RAB18: variants seen among roughly 807,000 people sequenced by gnomAD.
RAB18 encodes the protein ras-related protein Rab-18.
In RAB18, 10 loss-of-function variants were observed where a neutral mutation model predicts 28.5. That is an observed-to-expected ratio of 0.35 (90% confidence interval 0.22 to 0.60). The LOEUF is 0.60. Ranked by LOEUF, RAB18 falls within the 20% of genes least tolerant of loss-of-function variation. The pLI is 0.78. For synonymous variants in RAB18, 93 were observed against 86.9 expected (o/e 1.07, Z -0.39); for missense variants, 188 against 244.2 (o/e 0.77, Z 1.53).
rs1245439639 is a variant in RAB18, at chr10:27,539,105, G to A, written c.*1054G>A. The A allele has an allele frequency of 2.4e-6, 1 of 411,324 alleles. No individual in the cohort carries two copies. The highest frequency in any genetic ancestry group is 4.8e-6 in the Non-Finnish European group (1 of 207,158). The allele number at this position is 411,324 out of a possible 1,614,324, so 25.5% of individuals were successfully genotyped here. ...AAAATCTTGACAATTTACTTAACAA[G>A]TAACCAGTAGTTCATCAAAACCAAC... On this transcript the variant is annotated 3_prime_UTR_variant, in exon 7 of 7. Transcript: ENST00000356940.
chr10:27,527,168 A>G (rs1564834387), intron 3 of RAB18: 1 of 488,064 alleles, frequency 2.0e-6, no homozygotes, highest in East Asian at 4.9e-5. Context: ...GAGAATCATA[A>G]TTGGATATGT....
chr10:27,504,803 C>T (rs1837773365), intron 1 of RAB18: 1 of 507,580 alleles, frequency 2.0e-6, no homozygotes, highest in Non-Finnish European at 4.0e-6. Context: ...TCGAACCTCT[C>T]GGGGTTCAGG....
chr10:27,526,781 A>G (rs779467740), intron 2 of RAB18, 47 bp from the exon 3 acceptor site: 1 of 1,609,300 alleles, frequency 6.2e-7, no homozygotes, highest in South Asian at 1.1e-5. Flanking sequence ...ATGGATTTTA[A>G]AAGTCTGTTT....
In RAB18 at chr10:27,541,455, A is replaced by G. The variant is rs1244589845; in HGVS notation, c.*3404A>G. 1 of 452,818 alleles carries G rather than the reference A, an allele frequency of 2.2e-6. No individual in the cohort carries two copies. Among genetic ancestry groups the G allele is most frequent in the African/African-American group, 2.0e-5 (1 of 49,500 alleles). 28.1% of individuals were successfully genotyped at this position (452,818 alleles called of 1,614,324 possible). ...TGTTTTGTTGCTAGCTTATTGTTTC[A>G]TACTTGGGAATCAGTCATGTTTCTG... On this transcript the variant is annotated 3_prime_UTR_variant, in exon 7 of 7. Transcript: ENST00000356940.
intron 2 of RAB18, among the ~76,000 whole-genome samples, chr10:27,525,688 C>G (rs1239649732): frequency 6.6e-6 from 1 of 152,126 alleles, no homozygotes; most frequent in Admixed American, 6.5e-5. Flanking sequence ...ATCACCCCAG[C>G]TCAAAACACC....
chr10:27,531,574 A>G, intron 3 of RAB18: 2 of 1,277,424 alleles, frequency 1.6e-6, no homozygotes, highest in South Asian at 1.3e-5. Context: ...AAAGAGCCAG[A>G]TAGGAAATAG....
intron 6 of RAB18, among the ~76,000 whole-genome samples, chr10:27,534,387 C>T (rs1834851828): frequency 6.6e-6 from 1 of 152,160 alleles, no homozygotes; most frequent in African/African-American, 2.4e-5. Context: ...TTAACAAGCT[C>T]TTCATATGGT....
chr10:27,524,489 A>T (rs1042246031), intron 2 of RAB18, among the ~76,000 whole-genome samples: 8 of 152,246 alleles, frequency 5.3e-5, no homozygotes, highest in Non-Finnish European at 7.3e-5. Context: ...TAGATAATAT[A>T]GTTAATGGAG....
At position 27,533,825 on chromosome 10, in the gene RAB18, A is replaced by G; in HGVS notation, c.350A>G (p.Asn117Ser). Residue 117 changes from asparagine (N) to serine (S), a missense_variant, in exon 5 of 7, where the codon AAC (asparagine) becomes AGC (serine). Physicochemically the swap from Asn to Ser is conservative, Grantham distance 46. Transcript: ENST00000356940. The part of the protein sequence containing the change: ...ETYCTRNDIV[N>S]MLVGNKIDKE... ...TACTGTACAAGAAATGACATAGTAA[A>G]CATGCTAGTTGGAAATAAAATCGAT... 1 of 1,613,638 alleles carries G rather than the reference A, an allele frequency of 6.2e-7. No homozygotes were observed. Among genetic ancestry groups the G allele is most frequent in the Non-Finnish European group, 8.5e-7 (1 of 1,179,634 alleles).
intron 1 of RAB18, chr10:27,505,266 G>A (rs988658777): frequency 2.3e-6 from 1 of 439,698 alleles, no homozygotes; most frequent in African/African-American, 2.0e-5. Flanking sequence ...TTCTCCAGCT[G>A]ATGTCATTCT....
At chr10:27,505,283 C>T (rs1837794400) in intron 1 of RAB18, 1 of 423,372 alleles carries the variant, frequency 2.4e-6, no homozygotes, top group Non-Finnish European at 4.8e-6. Context: ...TTCTTGCCAT[C>T]TGATTATGAG....
rs767488036 is a variant in RAB18 at position 27,539,553 on chromosome 10, G to A, written c.*1502G>A. 1 of 410,896 alleles carries A rather than the reference G, an allele frequency of 2.4e-6. No individual in the cohort carries two copies. Among genetic ancestry groups the A allele is most frequent in the Non-Finnish European group, 4.7e-6 (1 of 210,736 alleles). The allele number at this position is 410,896 out of a possible 1,614,324, so 25.5% of individuals were successfully genotyped here. ...ACTAAATATACAAGATTTACTACTA[G>A]AAATTTGGAGAAAGAACACTAACAC... On this transcript the variant is annotated 3_prime_UTR_variant, in exon 7 of 7. Transcript: ENST00000356940.
rs778826628 is a variant in RAB18, at chr10:27,539,622, G to C, written c.*1571G>C. On this transcript the variant is annotated 3_prime_UTR_variant, in exon 7 of 7. Coordinates refer to ENST00000356940, the MANE Select transcript of RAB18 (RefSeq NM_021252.5). The stretch of plus-strand genomic sequence containing the variant: ...CATGTTATATTAAAACTTGAGATTT[G>C]TGTATTTATGTAGAGTCTGTATTGA... The C allele has an allele frequency of 1.1e-5, 5 of 450,666 alleles. No homozygotes were observed. The highest frequency in any genetic ancestry group is 1.6e-5 in the South Asian group (1 of 63,220). The allele number at this position is 450,666 out of a possible 1,614,324, so 27.9% of individuals were successfully genotyped here. A position where few individuals can be genotyped will look rare whatever the true frequency, so the allele number is the denominator to read the frequency against.
chr10:27,542,077 G>T lies in RAB18; in HGVS notation c.*4026G>T, dbSNP rs1835050727. ...GGAGTCACATTCTGAACTTGCTGCA[G>T]CTCGTTTTTCTAATATAAAGGAACC... On this transcript the variant is annotated 3_prime_UTR_variant, in exon 7 of 7. Coordinates refer to ENST00000356940, the MANE Select transcript of RAB18 (RefSeq NM_021252.5). 2.2e-6 allele frequency: 1 copy of T among 453,950 alleles called. No homozygotes were observed. The highest frequency in any genetic ancestry group is 2.0e-5 in the African/African-American group (1 of 50,004). The allele number at this position is 453,950 out of a possible 1,614,324, so 28.1% of individuals were successfully genotyped here.
chr10:27,528,978 GT>G (rs1159492051), intron 3 of RAB18, among the ~76,000 whole-genome samples: 1 of 151,752 alleles, frequency 6.6e-6, no homozygotes, highest in Non-Finnish European at 1.5e-5. Flanking sequence ...TAAAAAATAA[GT>G]TTTCTTTTTA....
rs138135672 is a variant in RAB18, at chr10:27,524,615, G to C, written c.125-2213G>C. 2.0e-5 allele frequency among the ~76,000 whole-genome samples: 3 copies of C among 152,308 alleles called. 1 individual carries two copies. Among genetic ancestry groups the C allele is most frequent in the Non-Finnish European group, 2.9e-5 (2 of 68,024 alleles). On this transcript the variant is annotated intron_variant, in intron 2 of 6. Transcript: ENST00000356940. ...AAAAATGCAAACACAAATGAACAAG[G>C]AAAAGCTGAGATGACAGTTCTTCTG...
At chr10:27,511,333 G>T (rs1432830832) in intron 2 of RAB18, among the ~76,000 whole-genome samples, 3 of 152,076 alleles carry the variant, frequency 2.0e-5, no homozygotes, top group African/African-American at 7.2e-5. Flanking sequence ...CACCCAAGTA[G>T]CTGGGACTAC....
At chr10:27,528,842 T>C (rs968955592) in intron 3 of RAB18, among the ~76,000 whole-genome samples, 5 of 152,088 alleles carry the variant, frequency 3.3e-5, no homozygotes, top group Non-Finnish European at 5.9e-5. Context: ...ATTGTATTCA[T>C]ATTCATTCTG....
intron 2 of RAB18, among the ~76,000 whole-genome samples, chr10:27,524,277 A>G (rs1390601237): frequency 1.3e-5 from 2 of 151,988 alleles, no homozygotes; most frequent in South Asian, 2.1e-4. Flanking sequence ...TATGTCACTC[A>G]TGTCTACTTT....
Sources: gnomAD v4.1 joint callset for allele counts (sites outside exome capture counted in the v4.1 genomes callset) on GRCh38, gnomAD v4.1.1 for gene constraint, MANE v1.5 for transcripts, NCBI Gene and HGNC (gene_info 2026-07-23, HGNC 2026-07-21) for gene names.